GREM2: variants seen among roughly 807,000 people sequenced by gnomAD.
The protein encoded by GREM2 is gremlin-2.
GREM2 carries 11 observed loss-of-function variants against 14.2 expected under a neutral mutation model. The observed-to-expected ratio is 0.78, with a 90% confidence interval of 0.49 to 1.28. The LOEUF (loss-of-function observed/expected upper bound fraction) is 1.28, where lower values mean the gene tolerates loss of function less well. Ranked by LOEUF, GREM2 falls within the 50% of genes most tolerant of loss-of-function variation. The pLI, the probability that GREM2 is intolerant of heterozygous loss-of-function variation, is 0.00. For missense variants in GREM2, 210 were observed against 218.5 expected (o/e 0.96, Z 0.24); for synonymous variants, 98 against 97.6 (o/e 1.00, Z -0.02).
At chr1:240,577,959 A>T (rs946752634) in intron 1 of GREM2, among the ~76,000 whole-genome samples, 1 of 152,222 alleles carries the variant, frequency 6.6e-6, no homozygotes, top group Non-Finnish European at 1.5e-5. Flanking sequence ...GCAGTTCATT[A>T]ATCCTTGTAG....
intron 1 of GREM2, among the ~76,000 whole-genome samples, chr1:240,591,883 A>G (rs1207077257): frequency 6.6e-6 from 1 of 152,204 alleles, no homozygotes; most frequent in Non-Finnish European, 1.5e-5. Context: ...TGCTTTTGAT[A>G]GAAAATAAAT....
intron 1 of GREM2, among the ~76,000 whole-genome samples, chr1:240,562,411 C>G (rs1306975689): frequency 5.9e-5 from 9 of 152,184 alleles, no homozygotes; most frequent in Non-Finnish European, 1.2e-4. Flanking sequence ...GTGAACTTTA[C>G]TAGCAGTCCC....
rs1677299492 is a variant in GREM2 at position 240,493,041 on chromosome 1, T to G, written c.435A>C (p.Arg145=). 2 of 1,602,936 alleles carry G rather than the reference T, an allele frequency of 1.2e-6. No individual in the cohort carries two copies. Among genetic ancestry groups the G allele is most frequent in the Non-Finnish European group, 1.7e-6 (2 of 1,171,878 alleles). Residue 145 remains arginine, a synonymous_variant, in exon 2 of 2, where the codon CGA becomes CGC. Coordinates refer to ENST00000318160, the MANE Select transcript of GREM2 (RefSeq NM_022469.4). ...LECPGLDPPF[R]LKKIQKVKQC... ...GCTTCACCTTCTGGATTTTCTTGAG[T>G]CGGAAGGGTGGGTCCAGGCCGGGGC...
At chr1:240,606,450 G>A (rs999091775) in intron 1 of GREM2, among the ~76,000 whole-genome samples, 11 of 152,072 alleles carry the variant, frequency 7.2e-5, no homozygotes, top group South Asian at 2.1e-4. Flanking sequence ...ATAGATTTTC[G>A]GAGGATCCTG....
chr1:240,597,574 G>A (rs1038387928), intron 1 of GREM2, among the ~76,000 whole-genome samples: 2 of 152,150 alleles, frequency 1.3e-5, no homozygotes, highest in Non-Finnish European at 2.9e-5. Flanking sequence ...GTGGCTGTTT[G>A]TTTACATGTT....
intron 1 of GREM2, among the ~76,000 whole-genome samples, chr1:240,590,544 C>T (rs1309024413): frequency 6.6e-6 from 1 of 151,754 alleles, no homozygotes; most frequent in African/African-American, 2.4e-5. Flanking sequence ...ATTCTCCTGC[C>T]TCAGCCTTCT....
At chr1:240,510,758 C>A (rs1049336256) in intron 1 of GREM2, among the ~76,000 whole-genome samples, 3 of 152,164 alleles carry the variant, frequency 2.0e-5, no homozygotes, top group Non-Finnish European at 4.4e-5. Context: ...AAATATTGTT[C>A]TCTTTTTCTC....
At chr1:240,554,304 G>C (rs983646660) in intron 1 of GREM2, among the ~76,000 whole-genome samples, 2 of 151,582 alleles carry the variant, frequency 1.3e-5, no homozygotes, top group Non-Finnish European at 2.9e-5. Context: ...CCAGCTACTC[G>C]GGAGGCTGAG....
chr1:240,574,976 G>A (rs1016795872), intron 1 of GREM2, among the ~76,000 whole-genome samples: 16 of 151,866 alleles, frequency 1.1e-4, no homozygotes, highest in East Asian at 1.9e-4. Context: ...GCGTGTTGGC[G>A]TGCGCCTGTA....
intron 1 of GREM2, among the ~76,000 whole-genome samples, chr1:240,595,218 G>C (rs1044736568): frequency 4.6e-5 from 7 of 152,192 alleles, no homozygotes; most frequent in Non-Finnish European, 1.0e-4. Flanking sequence ...TGTAGTCCCA[G>C]CTATTTGGGA....
intron 1 of GREM2, among the ~76,000 whole-genome samples, chr1:240,531,177 G>A (rs1236999308): frequency 6.6e-6 from 1 of 152,178 alleles, no homozygotes; most frequent in Non-Finnish European, 1.5e-5. Flanking sequence ...CCCATAAGAG[G>A]AAGAAATAGT....
At chr1:240,570,606 G>A (rs576519828) in intron 1 of GREM2, among the ~76,000 whole-genome samples, 11 of 152,272 alleles carry the variant, frequency 7.2e-5, no homozygotes, top group East Asian at 1.9e-4. Flanking sequence ...ATATGACAAT[G>A]TTCCTATGTA....
rs560901581 is a variant in GREM2, at chr1:240,537,997, C to T, written c.-1-44521G>A. ...GAATGCCATGCCCATTTAAAAAACC[C>T]GAGTTTTGCTTTATTAAAACTAAAG... is the stretch of plus-strand genomic sequence containing the variant. On this transcript the variant is annotated intron_variant, in intron 1 of 1. Transcript: ENST00000318160. 3.3e-5 allele frequency among the ~76,000 whole-genome samples: 5 copies of T among 152,288 alleles called. No homozygotes were observed. The South Asian group carries it at 8.3e-4, about 25-fold the overall frequency.
At chr1:240,501,693 C>G (rs1326915075) in intron 1 of GREM2, among the ~76,000 whole-genome samples, 1 of 152,078 alleles carries the variant, frequency 6.6e-6, no homozygotes, top group Non-Finnish European at 1.5e-5. Flanking sequence ...GGAGGGAGAA[C>G]ATGGTTTCTG....
At chr1:240,536,666 T>G (rs1010953632) in intron 1 of GREM2, among the ~76,000 whole-genome samples, 1,526 of 110,790 alleles carry the variant, frequency 0.014, 45 homozygotes, top group Non-Finnish European at 0.016. Context: ...GGAAGCCATC[T>G]GTAGAGTTTA....
rs530838375 is a variant in GREM2, at chr1:240,585,022, T to G, written c.-2+26862A>C. 8.1e-4 allele frequency among the ~76,000 whole-genome samples: 124 copies of G among 152,258 alleles called. 3 individuals are homozygous for G. In the South Asian group the frequency reaches 0.025, roughly 30 times the overall value. On this transcript the variant is annotated intron_variant, in intron 1 of 1. Transcript: ENST00000318160. ...AAAAAGTAGTTTACTAGAGAGAAGATGACATTAAAAATGAAGCTCTTGGTC... is the reference window on the plus strand; with the variant it reads ...AAAAAGTAGTTTACTAGAGAGAAGAGGACATTAAAAATGAAGCTCTTGGTC...
intron 1 of GREM2, among the ~76,000 whole-genome samples, chr1:240,598,816 G>T (rs962949937): frequency 3.3e-5 from 5 of 152,148 alleles, no homozygotes; most frequent in African/African-American, 1.2e-4. Flanking sequence ...ATGTCTGCTT[G>T]TCTCTCCAAA....
intron 1 of GREM2, among the ~76,000 whole-genome samples, chr1:240,579,261 A>G (rs936276072): frequency 6.6e-6 from 1 of 152,170 alleles, no homozygotes; most frequent in African/African-American, 2.4e-5. Context: ...TTGCAGTTCA[A>G]TCTCTGACCC....
chr1:240,502,842 C>T (rs1371667462), intron 1 of GREM2, among the ~76,000 whole-genome samples: 4 of 152,124 alleles, frequency 2.6e-5, no homozygotes, highest in East Asian at 1.9e-4. Flanking sequence ...TTCTACACAC[C>T]GTGGAGTTGA....
Sources: gnomAD v4.1 joint callset for allele counts (sites outside exome capture counted in the v4.1 genomes callset) on GRCh38, gnomAD v4.1.1 for gene constraint, MANE v1.5 for transcripts, NCBI Gene and HGNC (gene_info 2026-07-23, HGNC 2026-07-21) for gene names.